SLC23A2: variants seen among roughly 807,000 people sequenced by gnomAD.
The protein encoded by SLC23A2 is Na(+)/L-ascorbic acid transporter 2.
In SLC23A2, 36 loss-of-function variants were observed where a neutral mutation model predicts 73.3. That is an observed-to-expected ratio of 0.49 (90% CI 0.38 to 0.65). SLC23A2 has a LOEUF of 0.65. SLC23A2 is among the 30% of genes least tolerant of loss of function. The pLI is 0.00. For missense variants in SLC23A2, 507 were observed against 841.6 expected (o/e 0.60, Z 4.92); for synonymous variants, 343 against 327.3 (o/e 1.05, Z -0.52).
At chr20:4,874,998 G>C (rs1930598708) in intron 9 of SLC23A2, among the ~76,000 whole-genome samples, 1 of 152,184 alleles carries the variant, frequency 6.6e-6, no homozygotes, top group Non-Finnish European at 1.5e-5. Flanking sequence ...CCCAAAGAAT[G>C]TACACATTGA....
chr20:4,894,251 AGAGG>A (rs1201958409), intron 6 of SLC23A2, among the ~76,000 whole-genome samples: 1 of 152,036 alleles, frequency 6.6e-6, no homozygotes, highest in African/African-American at 2.4e-5. Context: ...GTAGGGAGGA[AGAGG>A]GAGAGGGAGA....
intron 1 of SLC23A2, among the ~76,000 whole-genome samples, chr20:4,992,729 G>C (rs2122333696): frequency 6.6e-6 from 1 of 151,338 alleles, no homozygotes; most frequent in African/African-American, 2.4e-5. Flanking sequence ...AGGCTGGTCT[G>C]GAACTCCTGA....
chr20:4,910,729 C>A (rs1274375342), intron 4 of SLC23A2, among the ~76,000 whole-genome samples: 1 of 152,230 alleles, frequency 6.6e-6, no homozygotes, highest in Non-Finnish European at 1.5e-5. Flanking sequence ...AGCCACCACG[C>A]CCAGCCCAAC....
intron 4 of SLC23A2, among the ~76,000 whole-genome samples, chr20:4,907,467 T>C (rs886677091): frequency 6.6e-6 from 1 of 152,176 alleles, no homozygotes; most frequent in Non-Finnish European, 1.5e-5. Flanking sequence ...ATCAATGTAG[T>C]ATTTTTTAAA....
At chr20:4,884,900 G>T (rs1388736043) in intron 7 of SLC23A2, 77 bp from the exon 8 acceptor site, 7 of 825,580 alleles carry the variant, frequency 8.5e-6, no homozygotes, top group Non-Finnish European at 7.6e-6. Context: ...CTTTTAAGAA[G>T]AATTTTCTCC....
chr20:4,945,161 C>T (rs762391850), intron 2 of SLC23A2, among the ~76,000 whole-genome samples: 53 of 151,968 alleles, frequency 3.5e-4, no homozygotes, highest in Non-Finnish European at 4.7e-4. Context: ...CAAGCAGCAA[C>T]GAATGAACTT....
chr20:4,934,662 G>C (rs1343403051), intron 2 of SLC23A2, among the ~76,000 whole-genome samples: 1 of 151,898 alleles, frequency 6.6e-6, no homozygotes, highest in East Asian at 1.9e-4. Flanking sequence ...AGGAGTTCAA[G>C]ACCAGCCTGG....
At chr20:4,866,861 G>A (rs945387266) in intron 13 of SLC23A2, among the ~76,000 whole-genome samples, 1 of 152,070 alleles carries the variant, frequency 6.6e-6, no homozygotes, top group Non-Finnish European at 1.5e-5. Flanking sequence ...CAAGTCCTCA[G>A]TGAGGGAGAC....
At chr20:4,972,572 T>G (rs911449267) in intron 1 of SLC23A2, among the ~76,000 whole-genome samples, 16 of 147,206 alleles carry the variant, frequency 1.1e-4, no homozygotes, top group African/African-American at 3.0e-4. Flanking sequence ...GGGGGTTTTT[T>G]GGGGTTTTTT....
In SLC23A2 at chr20:4,883,761, A is replaced by G; in HGVS notation, c.705T>C (p.Pro235=). ...GACCGATGTACTTCAGTAGAGCCCC[A>G]GGCAGGCCGAGGAGGCCGATGACTA... The part of the protein sequence containing the change: ...IEVVIGLLGL[P]GALLKYIGPL... Residue 235 remains proline (P), a synonymous_variant, in exon 9 of 17, where the codon CCT becomes CCC. Transcript: ENST00000338244. This position sits in a 1 kb window ranked among gnomAD's most constrained non-coding sequence, Gnocchi z 4.5. 6 of 1,613,744 alleles carry G rather than the reference A, an allele frequency of 3.7e-6. No individual in the cohort carries two copies. Among genetic ancestry groups the G allele is most frequent in the South Asian group, 2.2e-5 (2 of 91,062 alleles).
At chr20:4,952,497 T>A (rs1381302589) in intron 2 of SLC23A2, among the ~76,000 whole-genome samples, 1 of 152,030 alleles carries the variant, frequency 6.6e-6, no homozygotes, top group African/African-American at 2.4e-5. Flanking sequence ...CAAGATAGTT[T>A]TAGATGTGCA....
rs1310034590 is a variant in SLC23A2 at position 4,863,118 on chromosome 20, A to G, written c.1357-211T>C. Among the ~76,000 whole-genome samples the G allele has an allele frequency of 3.3e-5, 5 of 152,142 alleles. No individual in the cohort carries two copies. Among genetic ancestry groups the G allele is most frequent in the African/African-American group, 9.7e-5 (4 of 41,424 alleles). On this transcript the variant is annotated intron_variant, in intron 13 of 16. Coordinates refer to ENST00000338244, the MANE Select transcript of SLC23A2 (RefSeq NM_005116.6). The surrounding 1 kb of genome is among the most constrained non-coding windows in gnomAD (Gnocchi z 4.8). ...GTGACACTCCCTGCACTCAGGCCTC[A>G]GGGCTCTACTGCCCTGGCACAGTCA...
chr20:4,857,283 TACACAC>T lies in SLC23A2; in HGVS notation c.1721-85_1721-80del, dbSNP rs398035250. 0.039 allele frequency: 16,225 copies of T among 417,544 alleles called. 27 individuals are homozygous for T. The highest frequency in any genetic ancestry group is 0.051 in the East Asian group (990 of 19,248). 25.9% of individuals were successfully genotyped at this position (417,544 alleles called of 1,614,324 possible). On this transcript the variant is annotated intron_variant, in intron 16 of 16. Transcript: ENST00000338244. This position sits in a 1 kb window ranked among gnomAD's most constrained non-coding sequence, Gnocchi z 4.0. ...GAAAATGAAACTGTCGTCAAACACA[TACACAC>T]ACACACACACACACACACACACACA...
At chr20:4,908,354 C>T (rs1344317981) in intron 4 of SLC23A2, among the ~76,000 whole-genome samples, 2 of 152,106 alleles carry the variant, frequency 1.3e-5, no homozygotes, top group African/African-American at 2.4e-5. Context: ...AGTAAACTGG[C>T]TTGTACCATG....
chr20:4,968,196 G>A (rs2087504937), intron 2 of SLC23A2, among the ~76,000 whole-genome samples: 1 of 152,186 alleles, frequency 6.6e-6, no homozygotes. Flanking sequence ...ACTCCAGGCT[G>A]GAAGTTGTCA....
intron 1 of SLC23A2, among the ~76,000 whole-genome samples, chr20:4,981,546 G>T (rs1039511139): frequency 2.0e-5 from 3 of 152,090 alleles, no homozygotes; most frequent in African/African-American, 7.2e-5. Context: ...AGTTTCCCAG[G>T]TGATCGCAAT....
intron 2 of SLC23A2, among the ~76,000 whole-genome samples, chr20:4,964,681 C>A (rs2087445711): frequency 6.6e-6 from 1 of 151,594 alleles, no homozygotes; most frequent in Non-Finnish European, 1.5e-5. Context: ...TGAAGGGACA[C>A]CAAAAAATTA....
At chr20:4,861,749 T>C (rs547675388) in intron 15 of SLC23A2, among the ~76,000 whole-genome samples, 199 bp downstream of exon 15, 34 of 152,276 alleles carry the variant, frequency 2.2e-4, no homozygotes, top group South Asian at 1.0e-3. Flanking sequence ...CATCCATGAC[T>C]GTTATGTGTA....
At chr20:4,995,525 C>T (rs1207710908) in intron 1 of SLC23A2, among the ~76,000 whole-genome samples, 1 of 152,164 alleles carries the variant, frequency 6.6e-6, no homozygotes, top group Non-Finnish European at 1.5e-5. Context: ...ACTGTCCTAA[C>T]TCAGTTACCC....
Sources: gnomAD v4.1 joint callset for allele counts (sites outside exome capture counted in the v4.1 genomes callset) on GRCh38, gnomAD v4.1.1 for gene constraint, Gnocchi (gnomAD v3.1) non-coding constraint, MANE v1.5 for transcripts, NCBI Gene and HGNC (gene_info 2026-07-23, HGNC 2026-07-21) for gene names.